Variants in HDAC4 observed in about 807,000 individuals in gnomAD.
The protein encoded by HDAC4 is histone deacetylase A.
Under a neutral mutation model 135.1 loss-of-function variants are expected in HDAC4, and 16 were observed. The observed-to-expected ratio is 0.12, with a 90% CI of 0.08 to 0.18. The LOEUF (loss-of-function observed/expected upper bound fraction) is 0.18, where lower values mean the gene tolerates loss of function less well. HDAC4 is among the 10% of genes least tolerant of loss of function. The probability of loss-of-function intolerance (pLI) is 1.00; values close to 1 mark genes in which losing one functional copy is unlikely to be tolerated. For synonymous variants in HDAC4, 685 were observed against 653.4 expected (o/e 1.05, Z -0.74); for missense variants, 1,143 against 1,511.8 (o/e 0.76, Z 4.05).
At chr2:239,396,771 C>G (rs994201212) in intron 1 of HDAC4, among the ~76,000 whole-genome samples, 1 of 152,214 alleles carries the variant, frequency 6.6e-6, no homozygotes, top group Non-Finnish European at 1.5e-5. Flanking sequence ...TTTAAGGTTT[C>G]TGGGTTGGTA....
Position 239,134,339 on chromosome 2 carries a change from C to A in HDAC4, c.1200G>T (p.Ser400=), listed in dbSNP as rs149580896. ...GTHLTPYLST[S]PLERDGGAAH... ...CTGCCCCTCCGTCCCGCTCCAAGGGCGAGGTGCTCAGGTAGGGAGTGAGGT... is the reference window on the plus strand; with the variant it reads ...CTGCCCCTCCGTCCCGCTCCAAGGGAGAGGTGCTCAGGTAGGGAGTGAGGT... The change falls in exon 11 of 27, where the codon TCG becomes TCT. Residue 400 remains serine (S), a synonymous_variant. Coordinates refer to ENST00000543185, the MANE Select transcript of HDAC4 (RefSeq NM_001378414.1). 1 of 1,613,938 alleles carries A rather than the reference C, an allele frequency of 6.2e-7. No individual in the cohort carries two copies. The highest frequency in any genetic ancestry group is 2.2e-5 in the East Asian group (1 of 44,876).
At chr2:239,316,362 G>A (rs887298043) in intron 2 of HDAC4, among the ~76,000 whole-genome samples, 1 of 152,156 alleles carries the variant, frequency 6.6e-6, no homozygotes, top group African/African-American at 2.4e-5. Flanking sequence ...CACTCTGGGG[G>A]GCCAAGGTGG....
chr2:239,075,466 G>A (rs910514235), intron 22 of HDAC4, among the ~76,000 whole-genome samples: 1 of 152,108 alleles, frequency 6.6e-6, no homozygotes, highest in African/African-American at 2.4e-5. Flanking sequence ...TGGAAAGAGG[G>A]GATCTTTAGA....
chr2:239,248,273 C>G (rs952600240), intron 2 of HDAC4, among the ~76,000 whole-genome samples: 8 of 152,094 alleles, frequency 5.3e-5, no homozygotes, highest in Non-Finnish European at 8.8e-5. Context: ...CTCCGCCTCC[C>G]GGGTTCAAGC....
intron 2 of HDAC4, among the ~76,000 whole-genome samples, chr2:239,276,133 C>T (rs2050346878): frequency 6.6e-6 from 1 of 152,168 alleles, no homozygotes; most frequent in Non-Finnish European, 1.5e-5. Flanking sequence ...CGGCAGACAC[C>T]GACCCCCACG....
At chr2:239,338,068 G>A (rs927374489) in intron 2 of HDAC4, among the ~76,000 whole-genome samples, 6 of 152,186 alleles carry the variant, frequency 3.9e-5, no homozygotes, top group African/African-American at 4.8e-5. Flanking sequence ...GCTCAGCCCC[G>A]CCCACCAGCC....
At chr2:239,107,222 GC>G (rs900944484) in intron 15 of HDAC4, among the ~76,000 whole-genome samples, 4 of 152,316 alleles carry the variant, frequency 2.6e-5, no homozygotes, top group African/African-American at 7.2e-5. Flanking sequence ...CCAAAGTGCG[GC>G]CCCCGTCCTG....
At position 239,395,719 on chromosome 2, in the gene HDAC4, A is replaced by T. The variant is rs1374870650; in HGVS notation, c.-220+5259T>A. 4.6e-5 allele frequency among the ~76,000 whole-genome samples: 7 copies of T among 151,998 alleles called. No homozygotes were observed. The South Asian group carries it at 1.2e-3, about 27-fold the overall frequency. On this transcript the variant is annotated intron_variant, in intron 1 of 26. Transcript: ENST00000543185. ...CCCGCCTTTCCCTCTTACACTGCACACTTCTGCCTGTCTACACATGGAGGA... is the reference window on the plus strand; with the variant it reads ...CCCGCCTTTCCCTCTTACACTGCACTCTTCTGCCTGTCTACACATGGAGGA...
At position 239,352,903 on chromosome 2, in the gene HDAC4, G is replaced by C. The variant is rs1693255722; in HGVS notation, c.-204C>G. 4 of 609,134 alleles carry C rather than the reference G, an allele frequency of 6.6e-6. No individual in the cohort carries two copies. In the Admixed American group the frequency reaches 1.1e-4, roughly 16 times the overall value. 37.7% of individuals were successfully genotyped at this position (609,134 alleles called of 1,614,324 possible). ...ACAAGTTGAACAGAGGCGTCCGCTGGCTTCTGCAGATGAACCTGCAAGGTC... is the reference window on the plus strand; with the variant it reads ...ACAAGTTGAACAGAGGCGTCCGCTGCCTTCTGCAGATGAACCTGCAAGGTC... On this transcript the variant is annotated 5_prime_UTR_variant, in exon 2 of 27. Transcript: ENST00000543185. This position sits in a 1 kb window ranked among gnomAD's most constrained non-coding sequence, Gnocchi z 4.4.
intron 2 of HDAC4, among the ~76,000 whole-genome samples, chr2:239,317,176 T>C (rs1160482561): frequency 6.6e-6 from 1 of 151,938 alleles, no homozygotes. Context: ...ACTGAACAAA[T>C]AAGTAAGTAC....
intron 25 of HDAC4, 51 bp from the exon 26 acceptor site, chr2:239,053,652 T>C (rs975033139): frequency 6.4e-7 from 1 of 1,571,032 alleles, no homozygotes; most frequent in Non-Finnish European, 8.7e-7. Flanking sequence ...CTTAGCAGGA[T>C]GCACTGAGGC....
chr2:239,252,063 T>C (rs1350884085), intron 2 of HDAC4, among the ~76,000 whole-genome samples: 1 of 152,210 alleles, frequency 6.6e-6, no homozygotes, highest in Non-Finnish European at 1.5e-5. Context: ...CGACTTGCTG[T>C]TGGATGTTCA....
At chr2:239,195,899 G>A (rs377410956) in intron 3 of HDAC4, among the ~76,000 whole-genome samples, 11 of 151,998 alleles carry the variant, frequency 7.2e-5, no homozygotes, top group Admixed American at 2.0e-4. Context: ...TCTCTCTCTC[G>A]CTCTTTTAAA....
At chr2:239,364,354 A>C (rs1274243785) in intron 1 of HDAC4, among the ~76,000 whole-genome samples, 1 of 152,236 alleles carries the variant, frequency 6.6e-6, no homozygotes, top group East Asian at 1.9e-4. Flanking sequence ...CAGTAAAAAT[A>C]AACAAACTAC....
At chr2:239,197,603 C>T (rs1295549182) in intron 3 of HDAC4, among the ~76,000 whole-genome samples, 2 of 152,142 alleles carry the variant, frequency 1.3e-5, no homozygotes, top group African/African-American at 2.4e-5. Context: ...TTCCATCCTC[C>T]CTGTTTTCCT....
In HDAC4 at chr2:239,126,669, T is replaced by G. The variant is rs751229066; in HGVS notation, c.1320A>C (p.Ala440=). ...CCAAGGACTGTGCGTGGAGGGGCAG[T>G]GCTCCCAGGCCTGAAAGATACCAGT... ...VTDWYLSGLG[A]LPLHAQSLVG... The change falls in exon 12 of 27, where the codon GCA becomes GCC. Residue 440 remains alanine, a synonymous_variant. Transcript: ENST00000543185. The G allele has an allele frequency of 3.7e-6, 6 of 1,613,872 alleles. No homozygotes were observed. In the South Asian group the frequency reaches 4.4e-5, roughly 12 times the overall value.
chr2:239,097,736 A>G lies in HDAC4; in HGVS notation c.2234-2680T>C, dbSNP rs117549872. ...AAAAAGGAGGAGGGCGTGGGTGCCAAGGTGCCAAGCCACCTGCTGTCCTGC... is the reference window on the plus strand; with the variant it reads ...AAAAAGGAGGAGGGCGTGGGTGCCAGGGTGCCAAGCCACCTGCTGTCCTGC... On this transcript the variant is annotated intron_variant, in intron 16 of 26. Transcript: ENST00000543185. 1.3e-4 allele frequency among the ~76,000 whole-genome samples: 20 copies of G among 152,350 alleles called. No individual in the cohort carries two copies. In the East Asian group the frequency reaches 3.9e-3, roughly 29 times the overall value.
At chr2:239,191,273 C>T (rs555418771) in intron 3 of HDAC4, among the ~76,000 whole-genome samples, 22 of 152,326 alleles carry the variant, frequency 1.4e-4, no homozygotes, top group Non-Finnish European at 2.4e-4. Flanking sequence ...CACCTTTGGG[C>T]GTGACCTTGT....
Position 239,330,335 on chromosome 2 carries a change from G to A in HDAC4, c.22+22343C>T, listed in dbSNP as rs750595190. 4.6e-5 allele frequency among the ~76,000 whole-genome samples: 7 copies of A among 152,272 alleles called. No homozygotes were observed. The South Asian group carries it at 6.2e-4, about 14-fold the overall frequency. On this transcript the variant is annotated intron_variant, in intron 2 of 26. Transcript: ENST00000543185. The stretch of plus-strand genomic sequence containing the variant: ...GAAGAGATGCCTCACAGGAGACCCC[G>A]CGAGGGAGTGGCAGCTGCTAACCCT...
Sources: allele counts gnomAD v4.1 joint callset (sites outside exome capture counted in the v4.1 genomes callset), GRCh38; gene constraint gnomAD v4.1.1; non-coding constraint Gnocchi (gnomAD v3.1); transcripts MANE v1.5; gene names NCBI Gene and HGNC (gene_info 2026-07-23, HGNC 2026-07-21).